Variants in WDPCP observed in about 807,000 individuals in gnomAD.
The protein encoded by WDPCP is WD repeat-containing and planar cell polarity effector protein fritz homolog.
Under a neutral mutation model 93.1 loss-of-function variants are expected in WDPCP, and 71 were observed. That is an observed-to-expected ratio of 0.76 (90% CI 0.63 to 0.93). The LOEUF is 0.93. Ranked by LOEUF, WDPCP falls within the 40% of genes least tolerant of loss-of-function variation. WDPCP has a pLI of 0.00. For synonymous variants in WDPCP, 315 were observed against 315.0 expected (o/e 1.00, Z 0.00); for missense variants, 844 against 887.4 (o/e 0.95, Z 0.62).
At chr2:63,570,813 T>C (rs1707433298) in intron 1 of WDPCP, among the ~76,000 whole-genome samples, 1 of 152,228 alleles carries the variant, frequency 6.6e-6, no homozygotes, top group Non-Finnish European at 1.5e-5. Flanking sequence ...GGTGGTATAA[T>C]ATAGTAGCTT....
chr2:63,460,741 C>T (rs914268870), intron 6 of WDPCP, among the ~76,000 whole-genome samples: 24 of 152,224 alleles, frequency 1.6e-4, no homozygotes, highest in African/African-American at 5.5e-4. Context: ...ATTCTCCTGC[C>T]TCAGCCTCCT....
intron 12 of WDPCP, chr2:63,378,103 C>A: frequency 2.5e-6 from 1 of 404,126 alleles, no homozygotes; most frequent in Non-Finnish European, 4.6e-6. Flanking sequence ...GCGAGTAGCA[C>A]AATTCAGTTA....
intron 14 of WDPCP, among the ~76,000 whole-genome samples, chr2:63,183,265 A>C (rs2104115614): frequency 6.6e-6 from 1 of 152,054 alleles, no homozygotes; most frequent in Admixed American, 6.5e-5. Flanking sequence ...GTAAGCATTT[A>C]ATGCTATAAA....
chr2:63,530,776 C>G (rs1020834262), intron 1 of WDPCP, among the ~76,000 whole-genome samples: 1 of 152,156 alleles, frequency 6.6e-6, no homozygotes, highest in Admixed American at 6.5e-5. Context: ...CCAGCATGAG[C>G]GACACAGAAG....
chr2:63,473,741 T>C (rs1699816308), intron 6 of WDPCP, among the ~76,000 whole-genome samples: 1 of 152,202 alleles, frequency 6.6e-6, no homozygotes. Flanking sequence ...TACTATAATT[T>C]AGTGAAGTTA....
intron 1 of WDPCP, among the ~76,000 whole-genome samples, chr2:63,532,569 A>G (rs1703940983): frequency 6.6e-6 from 1 of 152,224 alleles, no homozygotes; most frequent in South Asian, 2.1e-4. Context: ...ATTCTCAAAG[A>G]AAAGAATTTT....
At chr2:63,212,660 GAC>G (rs1030579560) in intron 14 of WDPCP, among the ~76,000 whole-genome samples, 194 of 152,130 alleles carry the variant, frequency 1.3e-3, no homozygotes, top group African/African-American at 4.1e-3. Flanking sequence ...CCAATTAAAA[GAC>G]ACAGACTGGC....
intron 2 of WDPCP, chr2:63,684,439 A>T (rs1221134493): frequency 2.4e-6 from 2 of 850,972 alleles, no homozygotes; most frequent in Non-Finnish European, 4.0e-6. Context: ...TGGTGGCTGG[A>T]ATTGACTGCT....
intron 14 of WDPCP, among the ~76,000 whole-genome samples, chr2:63,230,877 G>A (rs1678808745): frequency 6.6e-6 from 1 of 152,104 alleles, no homozygotes. Flanking sequence ...CTCCCATTCT[G>A]TAGGTTGCCT....
intron 3 of WDPCP, chr2:63,622,773 G>A: frequency 6.2e-7 from 1 of 1,612,542 alleles, no homozygotes; most frequent in Non-Finnish European, 8.5e-7. Flanking sequence ...CCAGAAGGCG[G>A]CGAACACTTG....
In WDPCP at chr2:63,404,546, T is replaced by G. The variant is rs1262725557; in HGVS notation, c.937A>C (p.Met313Leu). 1.9e-6 allele frequency: 3 copies of G among 1,613,542 alleles called. No homozygotes were observed. The highest frequency in any genetic ancestry group is 2.5e-6 in the Non-Finnish European group (3 of 1,179,720). Reference sequence around the variant, plus strand: ...CATTCATAGATGCAGCTGTCAGCCATGGGCTCTTTGTCTACACTTACGGAG... The same window carrying G: ...CATTCATAGATGCAGCTGTCAGCCAGGGGCTCTTTGTCTACACTTACGGAG... ...EHSVSVDKEP[M>L]ADSCIYECIR... Residue 313 changes from methionine (M) to leucine (L), a missense_variant, in exon 10 of 18, where the codon ATG (methionine) becomes CTG (leucine). Transcript: ENST00000272321.
At chr2:63,801,326 G>A (rs902816410) in intron 2 of WDPCP, among the ~76,000 whole-genome samples, 1 of 152,170 alleles carries the variant, frequency 6.6e-6, no homozygotes, top group African/African-American at 2.4e-5. Context: ...GTCTGGAGTG[G>A]GTTCCTGCCA....
intron 2 of WDPCP, among the ~76,000 whole-genome samples, chr2:63,720,415 T>TC (rs1167952657): frequency 2.1e-5 from 3 of 145,304 alleles, no homozygotes; most frequent in African/African-American, 5.0e-5. Context: ...AGACTCTACC[T>TC]TAAAAAAAAA....
chr2:63,629,167 A>G (rs989745098), intron 3 of WDPCP, among the ~76,000 whole-genome samples: 1 of 152,226 alleles, frequency 6.6e-6, no homozygotes, highest in African/African-American at 2.4e-5. Flanking sequence ...AAAGCCCATC[A>G]TAAGTCTGCT....
At chr2:63,459,749 C>T (rs1698879580) in intron 6 of WDPCP, among the ~76,000 whole-genome samples, 1 of 151,830 alleles carries the variant, frequency 6.6e-6, no homozygotes, top group Admixed American at 6.6e-5. Flanking sequence ...AACCCTGTGC[C>T]TAATAAAAAT....
intron 10 of WDPCP, among the ~76,000 whole-genome samples, chr2:63,393,901 C>T (rs1272667306): frequency 6.6e-6 from 1 of 152,128 alleles, no homozygotes; most frequent in Non-Finnish European, 1.5e-5. Flanking sequence ...CCCATCTTTA[C>T]ACCATACAGA....
At chr2:63,573,356 T>C (rs1286631958) in intron 1 of WDPCP, among the ~76,000 whole-genome samples, 2 of 152,172 alleles carry the variant, frequency 1.3e-5, no homozygotes, top group Non-Finnish European at 2.9e-5. Flanking sequence ...GCTGAAGCCA[T>C]GGCAGAAGAA....
At chr2:63,382,877 A>G (rs1404656893) in intron 10 of WDPCP, among the ~76,000 whole-genome samples, 1 of 152,132 alleles carries the variant, frequency 6.6e-6, no homozygotes, top group African/African-American at 2.4e-5. Flanking sequence ...GTGTTGGTAA[A>G]ATCAAAGAAT....
At chr2:63,528,754 G>C (rs1703570537) in intron 1 of WDPCP, among the ~76,000 whole-genome samples, 1 of 152,192 alleles carries the variant, frequency 6.6e-6, no homozygotes, top group Non-Finnish European at 1.5e-5. Context: ...TGTGAAGAAA[G>C]TCATTGGTAG....
Sources: gnomAD v4.1 joint callset for allele counts (sites outside exome capture counted in the v4.1 genomes callset) on GRCh38, gnomAD v4.1.1 for gene constraint, MANE v1.5 for transcripts, NCBI Gene and HGNC (gene_info 2026-07-23, HGNC 2026-07-21) for gene names.